The following PID1 variants were observed in gnomAD, a reference collection of about 807,000 sequenced individuals.
PID1 encodes the protein PTB-containing, cubilin and LRP1-interacting protein.
PID1 carries 10 observed loss-of-function variants against 19.1 expected under a neutral mutation model. The ratio of observed to expected loss-of-function variants is 0.52; its 90% CI spans 0.32 to 0.89. The LOEUF (loss-of-function observed/expected upper bound fraction) is 0.89. PID1 is among the 40% of genes least tolerant of loss of function. The probability of loss-of-function intolerance (pLI) is 0.03; values close to 1 mark genes in which losing one functional copy is unlikely to be tolerated. For missense variants in PID1, 248 were observed against 285.3 expected, an observed-to-expected ratio of 0.87 and a Z score of 0.94; for synonymous variants, 130 against 116.0, an observed-to-expected ratio of 1.12 and a Z score of -0.78.
At chr2:229,081,017 T>A (rs1694658598) in intron 2 of PID1, among the ~76,000 whole-genome samples, 1 of 152,208 alleles carries the variant, frequency 6.6e-6, no homozygotes, top group South Asian at 2.1e-4. Flanking sequence ...GATAATTATC[T>A]CAAACAATAA....
chr2:229,188,811 T>C (rs1033381832), intron 1 of PID1, among the ~76,000 whole-genome samples: 2 of 152,098 alleles, frequency 1.3e-5, no homozygotes, highest in African/African-American at 4.8e-5. Flanking sequence ...TAAAGAAATA[T>C]TGATTTTTAG....
rs146086748 is a variant in PID1, at chr2:229,166,910, A to G, written c.31-10946T>C. ...TAACAATAAATAATGGTTGTAATGGATTATAACCCTAGACTAAAAAAAATA... is the reference window on the plus strand; with the variant it reads ...TAACAATAAATAATGGTTGTAATGGGTTATAACCCTAGACTAAAAAAAATA... On this transcript the variant is annotated intron_variant, in intron 1 of 2. Transcript: ENST00000392055. Among the ~76,000 whole-genome samples, 27 of 151,930 alleles carry G rather than the reference A, an allele frequency of 1.8e-4. No individual in the cohort carries two copies. The East Asian group carries it at 5.2e-3, about 30-fold the overall frequency.
chr2:229,111,617 A>G (rs1467236454), intron 2 of PID1, among the ~76,000 whole-genome samples: 1 of 152,224 alleles, frequency 6.6e-6, no homozygotes, highest in African/African-American at 2.4e-5. Context: ...ATAGAAAATG[A>G]ATACTTTTAC....
chr2:229,069,195 T>C (rs1481446856), intron 2 of PID1, among the ~76,000 whole-genome samples: 2 of 131,928 alleles, frequency 1.5e-5, no homozygotes, highest in Admixed American at 7.9e-5. Context: ...AGGGAGCAAG[T>C]AGGGTCAGGT....
At chr2:229,132,557 T>C (rs1337468485) in intron 2 of PID1, among the ~76,000 whole-genome samples, 11 of 152,214 alleles carry the variant, frequency 7.2e-5, no homozygotes, top group Admixed American at 7.2e-4. Context: ...CTCTCATACA[T>C]ACTATTTTGA....
At chr2:229,104,174 T>G (rs1410588946) in intron 2 of PID1, among the ~76,000 whole-genome samples, 1 of 152,208 alleles carries the variant, frequency 6.6e-6, no homozygotes, top group African/African-American at 2.4e-5. Flanking sequence ...GAAATTCACA[T>G]GGCCTGCCAT....
chr2:229,039,087 T>G, intron 2 of PID1, among the ~76,000 whole-genome samples: 1 of 152,224 alleles, frequency 6.6e-6, no homozygotes, highest in South Asian at 2.1e-4. Flanking sequence ...CGTGCCGATT[T>G]GAGCCAGACC....
intron 2 of PID1, among the ~76,000 whole-genome samples, chr2:229,082,806 A>AT (rs1325703286): frequency 1.3e-5 from 2 of 152,194 alleles, no homozygotes; most frequent in Non-Finnish European, 2.9e-5. Flanking sequence ...TAGATTTCAG[A>AT]TTTTTAAGGC....
At chr2:229,267,801 C>T (rs1049511559) in intron 1 of PID1, among the ~76,000 whole-genome samples, 6 of 152,078 alleles carry the variant, frequency 3.9e-5, no homozygotes, top group Non-Finnish European at 7.4e-5. Flanking sequence ...CAGAGGTAAT[C>T]TCATCTCTAT....
intron 1 of PID1, among the ~76,000 whole-genome samples, chr2:229,206,558 T>C (rs1691612611): frequency 6.6e-6 from 1 of 152,184 alleles, no homozygotes; most frequent in Non-Finnish European, 1.5e-5. Flanking sequence ...TAAGAAGGAT[T>C]TGCTGTATGT....
chr2:229,054,181 G>C (rs1345704458), intron 2 of PID1, among the ~76,000 whole-genome samples: 1 of 152,184 alleles, frequency 6.6e-6, no homozygotes, highest in African/African-American at 2.4e-5. Context: ...ATTAAGTGAT[G>C]GTTTGCTCAG....
intron 1 of PID1, among the ~76,000 whole-genome samples, chr2:229,223,225 T>C (rs1216161163): frequency 6.6e-6 from 1 of 152,174 alleles, no homozygotes; most frequent in Non-Finnish European, 1.5e-5. Context: ...AGTATTAGCC[T>C]AAAAAACAAC....
chr2:229,028,103 C>G (rs937973394), intron 2 of PID1, among the ~76,000 whole-genome samples: 4 of 152,138 alleles, frequency 2.6e-5, no homozygotes, highest in Non-Finnish European at 4.4e-5. Flanking sequence ...AATAATATTG[C>G]AGGACAAAAA....
rs141477067 is a variant in PID1, at chr2:229,266,817, T to C, written c.30+4197A>G. Among the ~76,000 whole-genome samples the C allele has an allele frequency of 3.3e-3, 504 of 152,356 alleles. 5 individuals are homozygous for C. The highest frequency in any genetic ancestry group is 0.012 in the African/African-American group (484 of 41,582). On this transcript the variant is annotated intron_variant, in intron 1 of 2. Transcript: ENST00000392055. ...TCGGCACAGTGCCACACACAGTGCCTGCACCACAAAAGCAGGTTACTAGTA... is the reference window on the plus strand; with the variant it reads ...TCGGCACAGTGCCACACACAGTGCCCGCACCACAAAAGCAGGTTACTAGTA...
intron 1 of PID1, among the ~76,000 whole-genome samples, chr2:229,223,695 T>G (rs1692019092): frequency 6.6e-6 from 1 of 152,196 alleles, no homozygotes; most frequent in African/African-American, 2.4e-5. Context: ...CTAGACAGGA[T>G]TCTGCACCTT....
intron 2 of PID1, among the ~76,000 whole-genome samples, chr2:229,155,417 T>A (rs1690345476): frequency 6.6e-6 from 1 of 151,828 alleles, no homozygotes; most frequent in African/African-American, 2.4e-5. Flanking sequence ...AGACAAAAAA[T>A]TAGCCGGGCA....
At chr2:229,231,906 A>C (rs749268282) in intron 1 of PID1, 37 of 1,550,148 alleles carry the variant, frequency 2.4e-5, no homozygotes, top group East Asian at 7.3e-5. Context: ...ATAAAAAAAA[A>C]CAGAAATTGA....
chr2:229,179,658 A>T (rs1690896900), intron 1 of PID1, among the ~76,000 whole-genome samples: 1 of 152,220 alleles, frequency 6.6e-6, no homozygotes. Flanking sequence ...AAACCCAATC[A>T]TGCAAGATTC....
intron 2 of PID1, among the ~76,000 whole-genome samples, chr2:229,137,065 AT>A (rs1159502936): frequency 6.6e-6 from 1 of 152,168 alleles, no homozygotes; most frequent in African/African-American, 2.4e-5. Flanking sequence ...GACTATTTTT[AT>A]TTTTTATACA....
Sources: gnomAD v4.1 joint callset for allele counts (sites outside exome capture counted in the v4.1 genomes callset) on GRCh38, gnomAD v4.1.1 for gene constraint, MANE v1.5 for transcripts, NCBI Gene and HGNC (gene_info 2026-07-23, HGNC 2026-07-21) for gene names.